The following HEATR1 variants were observed in gnomAD, a reference collection of about 807,000 sequenced individuals.
The protein encoded by HEATR1 is HEAT repeat-containing protein 1.
HEATR1 carries 77 observed loss-of-function variants against 248.2 expected under a neutral mutation model. The observed-to-expected ratio is 0.31, with a 90% CI of 0.26 to 0.37. HEATR1 has a LOEUF of 0.37. Ranked by LOEUF, HEATR1 falls within the 10% of genes least tolerant of loss-of-function variation. The pLI is 1.00. For missense variants in HEATR1, 2,420 were observed against 2,504.9 expected (o/e 0.97, Z 0.72); for synonymous variants, 897 against 923.1 (o/e 0.97, Z 0.51).
At chr1:236,598,852 T>A (rs1664244957) in intron 4 of HEATR1, among the ~76,000 whole-genome samples, 1 of 152,096 alleles carries the variant, frequency 6.6e-6, no homozygotes, top group Non-Finnish European at 1.5e-5. Flanking sequence ...ACAACATACA[T>A]CTACTTTCCT....
At chr1:236,553,778 C>T (rs1272712157) in intron 42 of HEATR1, 39 bp from the exon 43 acceptor site, 1 of 1,563,592 alleles carries the variant, frequency 6.4e-7, no homozygotes, top group Admixed American at 1.9e-5. Flanking sequence ...CAACAAGTCT[C>T]ATTTCTTTCT....
In HEATR1 at chr1:236,599,514, T is replaced by C. The variant is rs953856798; in HGVS notation, c.470A>G (p.Lys157Arg). 2.5e-6 allele frequency: 4 copies of C among 1,613,784 alleles called. No homozygotes were observed. The highest frequency in any genetic ancestry group is 1.7e-6 in the Non-Finnish European group (2 of 1,179,892). ...TGGCAACAACCAGAACCATCTGTGC[T>C]TTGAATTATTAATTTTTAGAAGCTG... Reference protein sequence around the residue: ...VIQLLKINNSKHRWFWLLPVK... With the variant: ...VIQLLKINNSRHRWFWLLPVK... The change falls in exon 4 of 45, where the codon AAG (lysine) becomes AGG (arginine). Residue 157 changes from lysine (K) to arginine (R), a missense_variant. Lys to Arg is a conservative substitution (Grantham distance 26). Transcript: ENST00000366582.
chr1:236,587,326 AAGAAGAAGAAAT>A, intron 14 of HEATR1, 64 bp downstream of exon 14: 1 of 665,008 alleles, frequency 1.5e-6, no homozygotes, highest in Non-Finnish European at 2.3e-6. Flanking sequence ...TAAAAAAAAA[AAGAAGAAGAAAT>A]AGAAAGAACT....
chr1:236,562,165 A>T (rs993540370), intron 32 of HEATR1, among the ~76,000 whole-genome samples: 4 of 152,224 alleles, frequency 2.6e-5, no homozygotes, highest in Admixed American at 1.3e-4. Context: ...GCTAAATGAC[A>T]TTGTACATTA....
At chr1:236,558,055 T>C (rs1366804486) in intron 36 of HEATR1, among the ~76,000 whole-genome samples, 182 bp downstream of exon 36, 3 of 152,144 alleles carry the variant, frequency 2.0e-5, no homozygotes, top group Middle Eastern at 3.4e-3. Context: ...CTCCCTGCCT[T>C]GGCCTCCCAA....
rs1446692886 is a variant in HEATR1, at chr1:236,557,488, C to T, written c.5205-143G>A. On this transcript the variant is annotated intron_variant, in intron 36 of 44. Coordinates refer to ENST00000366582, the MANE Select transcript of HEATR1 (RefSeq NM_018072.6). ...CATAGCCTAAAAAGCAGTGTCTATACATTTTATGTGGCTAAGCACAAGAAA... is the reference window on the plus strand; with the variant it reads ...CATAGCCTAAAAAGCAGTGTCTATATATTTTATGTGGCTAAGCACAAGAAA... 11 of 779,058 alleles carry T rather than the reference C, an allele frequency of 1.4e-5. No individual in the cohort carries two copies. The East Asian group carries it at 2.1e-4, about 15-fold the overall frequency. 48.3% of individuals were successfully genotyped at this position (779,058 alleles called of 1,614,324 possible). A position where few individuals can be genotyped will look rare whatever the true frequency, so the allele number is the denominator to read the frequency against.
In HEATR1 at chr1:236,600,442, T is replaced by C. The variant is rs550390316; in HGVS notation, c.360-818A>G. On this transcript the variant is annotated intron_variant, in intron 3 of 44. Transcript: ENST00000366582. ...CACCATGCCTGGCTAAGATGTTTTT[T>C]CTAATTCTGCCAACTGATCCCTCTT... is the stretch of plus-strand genomic sequence containing the variant. Among the ~76,000 whole-genome samples, 7 of 151,954 alleles carry C rather than the reference T, an allele frequency of 4.6e-5. No homozygotes were observed. The South Asian group carries it at 1.5e-3, about 32-fold the overall frequency.
At chr1:236,574,455 T>C (rs1364755524) in intron 23 of HEATR1, 122 bp from the exon 24 acceptor site, 4 of 1,299,418 alleles carry the variant, frequency 3.1e-6, no homozygotes, top group Non-Finnish European at 3.2e-6. Context: ...TCAGTTAAAA[T>C]GCAATTCTTT....
Position 236,603,965 on chromosome 1 carries a change from G to A in HEATR1, c.131C>T (p.Ala44Val). The A allele has an allele frequency of 6.3e-7, 1 of 1,595,752 alleles. No individual in the cohort carries two copies. The highest frequency in any genetic ancestry group is 1.1e-5 in the South Asian group (1 of 87,344). ...AAAAGATGGCTCACCAATGGCGAAG[G>A]CGGTGTCCCTGTCGATTGTGGCCGC... ...KEAATIDRDT[A>V]FAIGCTGLEE... The change falls in exon 2 of 45, where the codon GCC (alanine) becomes GTC (valine). Residue 44 changes from alanine (A) to valine (V), a missense_variant. By Grantham distance (64) the Ala-to-Val change is moderately conservative. Transcript: ENST00000366582.
chr1:236,602,606 G>A (rs1326710907), intron 3 of HEATR1, among the ~76,000 whole-genome samples: 1 of 152,204 alleles, frequency 6.6e-6, no homozygotes, highest in African/African-American at 2.4e-5. Flanking sequence ...AGCTGTAATG[G>A]CAAAGTAGCA....
intron 20 of HEATR1, among the ~76,000 whole-genome samples, chr1:236,578,574 G>A (rs1663628928): frequency 6.6e-6 from 1 of 152,136 alleles, no homozygotes; most frequent in Non-Finnish European, 1.5e-5. Flanking sequence ...CACTGATACA[G>A]TCAATTATAT....
intron 23 of HEATR1, 105 bp from the exon 24 acceptor site, chr1:236,574,438 A>T: frequency 7.2e-7 from 1 of 1,388,592 alleles, no homozygotes; most frequent in Non-Finnish European, 9.8e-7. Flanking sequence ...TTTCCCACTT[A>T]ATTTTGTCAG....
In HEATR1 at chr1:236,590,981, T is replaced by C. The variant is rs761105639; in HGVS notation, c.1423-27A>G. On this transcript the variant is annotated intron_variant, in intron 11 of 44. Coordinates refer to ENST00000366582, the MANE Select transcript of HEATR1 (RefSeq NM_018072.6). Reference sequence around the variant, plus strand: ...TACAGGGTTCAACATAGTTATCAAATGATTTCACTTAATCTGAACAGTCTA... The same window carrying C: ...TACAGGGTTCAACATAGTTATCAAACGATTTCACTTAATCTGAACAGTCTA... The C allele has an allele frequency of 1.4e-4, 157 of 1,158,440 alleles. 1 individual carries two copies. The highest frequency in any genetic ancestry group is 5.4e-4 in the South Asian group (25 of 45,916). The allele number at this position is 1,158,440 out of a possible 1,614,324, so 71.8% of individuals were successfully genotyped here.
chr1:236,582,374 C>T (rs55950064), intron 19 of HEATR1, among the ~76,000 whole-genome samples: 2,579 of 150,732 alleles, frequency 0.017, 16 homozygotes, highest in Middle Eastern at 0.076. Flanking sequence ...CCAAAGTGCT[C>T]GGATTATAGG....
Position 236,575,701 on chromosome 1 carries a change from T to C in HEATR1, c.3084+518A>G, listed in dbSNP as rs1485316467. Among the ~76,000 whole-genome samples the C allele has an allele frequency of 6.6e-4, 100 of 152,216 alleles. 2 individuals carry two copies. The highest frequency in any genetic ancestry group is 6.5e-3 in the Admixed American group (99 of 15,284). ...CACAGGCATTTCTGTAACACTGGGA[T>C]GAAAGAACCTTTTTTATGTTGGTCA... On this transcript the variant is annotated intron_variant, in intron 22 of 44. Coordinates refer to ENST00000366582, the MANE Select transcript of HEATR1 (RefSeq NM_018072.6).
chr1:236,595,202 C>T (rs1257687627), intron 8 of HEATR1, among the ~76,000 whole-genome samples: 2 of 151,886 alleles, frequency 1.3e-5, no homozygotes, highest in African/African-American at 2.4e-5. Context: ...AAATGAATCA[C>T]TAAAGTTCAT....
rs1021237882 is a variant in HEATR1 at position 236,592,649 on chromosome 1, C to G, written c.1194-16G>C. On this transcript the variant is annotated splice_polypyrimidine_tract_variant and intron_variant, in intron 9 of 44. Coordinates refer to ENST00000366582, the MANE Select transcript of HEATR1 (RefSeq NM_018072.6). The stretch of plus-strand genomic sequence containing the variant: ...AAATAGAAGGCTGTAAAAAAAAAAA[C>G]AGAAATATCAGCATACATAAGAGTT... The G allele has an allele frequency of 3.1e-5, 28 of 900,484 alleles. No individual in the cohort carries two copies. The highest frequency in any genetic ancestry group is 4.9e-5 in the Non-Finnish European group (28 of 569,672). 55.8% of individuals were successfully genotyped at this position (900,484 alleles called of 1,614,324 possible).
At chr1:236,570,464 G>C (rs1406700580) in intron 28 of HEATR1, among the ~76,000 whole-genome samples, 1 of 152,110 alleles carries the variant, frequency 6.6e-6, no homozygotes, top group African/African-American at 2.4e-5. Context: ...GGTGGTGGTG[G>C]TGCTGGTGGT....
chr1:236,565,820 A>T, intron 31 of HEATR1, 99 bp downstream of exon 31: 1 of 1,152,960 alleles, frequency 8.7e-7, no homozygotes, highest in Non-Finnish European at 1.2e-6. Context: ...AACTTACTTT[A>T]AAAATCCTTC....
Sources: gnomAD v4.1 joint callset for allele counts (sites outside exome capture counted in the v4.1 genomes callset) on GRCh38, gnomAD v4.1.1 for gene constraint, MANE v1.5 for transcripts, NCBI Gene and HGNC (gene_info 2026-07-23, HGNC 2026-07-21) for gene names.